Variants in GRIK1 observed in about 807,000 individuals in gnomAD.
GRIK1 encodes the protein glutamate receptor ionotropic, kainate 1.
A neutral mutation model predicts 105.7 loss-of-function variants in GRIK1; 69 were observed. The observed-to-expected ratio is 0.65, with a 90% CI of 0.54 to 0.80. GRIK1 has a LOEUF of 0.80. Among genes scored for constraint, GRIK1 ranks in the 30% least tolerant of loss-of-function variants. The pLI, the probability that GRIK1 is intolerant of heterozygous loss-of-function variation, is 0.00. For missense variants in GRIK1, 1,109 were observed against 1,167.3 expected, an observed-to-expected ratio of 0.95 and a Z score of 0.73; for synonymous variants, 438 against 431.3, an observed-to-expected ratio of 1.02 and a Z score of -0.19.
At chr21:29,687,155 C>G (rs2063500447) in intron 3 of GRIK1, among the ~76,000 whole-genome samples, 1 of 152,190 alleles carries the variant, frequency 6.6e-6, no homozygotes, top group Non-Finnish European at 1.5e-5. Context: ...GACGTGCACA[C>G]TGCTCCCATT....
chr21:29,560,999 G>A (rs1021295267), intron 15 of GRIK1, among the ~76,000 whole-genome samples: 1 of 152,148 alleles, frequency 6.6e-6, no homozygotes, highest in African/African-American at 2.4e-5. Flanking sequence ...GTCTCCTATA[G>A]ACGTACAAGA....
chr21:29,844,868 T>G (rs887436967), intron 1 of GRIK1, among the ~76,000 whole-genome samples: 2 of 152,228 alleles, frequency 1.3e-5, no homozygotes, highest in Non-Finnish European at 2.9e-5. Flanking sequence ...TCTTATCATG[T>G]AATTCTTCCA....
chr21:29,572,317 A>C (rs2090769667), intron 14 of GRIK1, among the ~76,000 whole-genome samples: 1 of 152,158 alleles, frequency 6.6e-6, no homozygotes, highest in African/African-American at 2.4e-5. Context: ...TCTTCTCGGT[A>C]AACTGGGTTG....
At chr21:29,824,280 T>A (rs1343416060) in intron 1 of GRIK1, among the ~76,000 whole-genome samples, 2 of 152,056 alleles carry the variant, frequency 1.3e-5, no homozygotes, top group African/African-American at 2.4e-5. Flanking sequence ...TAAGACATTT[T>A]CTGTTTACCA....
At chr21:29,807,987 G>C (rs1333742056) in intron 1 of GRIK1, among the ~76,000 whole-genome samples, 2 of 152,068 alleles carry the variant, frequency 1.3e-5, no homozygotes, top group African/African-American at 2.4e-5. Flanking sequence ...TTTACAAAGA[G>C]GACATGTTAA....
intron 1 of GRIK1, among the ~76,000 whole-genome samples, chr21:29,803,436 T>C (rs1844950331): frequency 6.6e-6 from 1 of 152,176 alleles, no homozygotes; most frequent in Admixed American, 6.5e-5. Context: ...TCCTGCCTCT[T>C]ATCCTGGAAC....
At chr21:29,834,782 T>C (rs1445267747) in intron 1 of GRIK1, among the ~76,000 whole-genome samples, 1 of 149,568 alleles carries the variant, frequency 6.7e-6, no homozygotes, top group East Asian at 1.9e-4. Flanking sequence ...TTAATATTCA[T>C]CCAATATTAA....
chr21:29,780,492 C>A (rs543676827), intron 1 of GRIK1, among the ~76,000 whole-genome samples: 1 of 152,104 alleles, frequency 6.6e-6, no homozygotes, highest in Non-Finnish European at 1.5e-5. Context: ...ACAAGTACCC[C>A]AGAGGTTGCT....
At chr21:29,598,699 T>C in intron 8 of GRIK1, 131 bp downstream of exon 8, 2 of 530,650 alleles carry the variant, frequency 3.8e-6, no homozygotes, top group Non-Finnish European at 6.6e-6. Context: ...GAAAGAGAGA[T>C]AAAAAACTGG....
chr21:29,708,297 T>C (rs2063965013), intron 1 of GRIK1, among the ~76,000 whole-genome samples: 1 of 152,258 alleles, frequency 6.6e-6, no homozygotes, highest in South Asian at 2.1e-4. Context: ...GTTCCTCCTG[T>C]CTTTTGCCTT....
intron 4 of GRIK1, among the ~76,000 whole-genome samples, chr21:29,664,000 GT>G (rs1235877021): frequency 6.6e-6 from 1 of 152,174 alleles, no homozygotes. Context: ...AATCTCCACT[GT>G]TTGCTAACTA....
At chr21:29,785,852 C>T (rs1424143400) in intron 1 of GRIK1, among the ~76,000 whole-genome samples, 1 of 152,210 alleles carries the variant, frequency 6.6e-6, no homozygotes, top group Non-Finnish European at 1.5e-5. Context: ...GATGCTGCCA[C>T]AGTGAAAGAA....
chr21:29,885,554 T>C (rs892308996), intron 1 of GRIK1, among the ~76,000 whole-genome samples: 1 of 152,098 alleles, frequency 6.6e-6, no homozygotes, highest in South Asian at 2.1e-4. Context: ...GATATTGTCT[T>C]AGAAAACTTG....
intron 1 of GRIK1, among the ~76,000 whole-genome samples, chr21:29,816,969 G>A (rs1008045886): frequency 6.6e-6 from 1 of 152,116 alleles, no homozygotes; most frequent in African/African-American, 2.4e-5. Context: ...AATAAAGTTT[G>A]ATGTGATAGA....
At chr21:29,782,288 G>T (rs420108) in intron 1 of GRIK1, among the ~76,000 whole-genome samples, 64 of 150,478 alleles carry the variant, frequency 4.3e-4, no homozygotes, top group Middle Eastern at 7.5e-3. Flanking sequence ...GGGTTTCACC[G>T]TGTTAGCCAG....
At chr21:29,737,940 C>A (rs563396491) in intron 1 of GRIK1, among the ~76,000 whole-genome samples, 1 of 152,182 alleles carries the variant, frequency 6.6e-6, no homozygotes, top group African/African-American at 2.4e-5. Context: ...TTTATTTATA[C>A]GCTATTGATT....
At chr21:29,815,561 A>G (rs2145906816) in intron 1 of GRIK1, among the ~76,000 whole-genome samples, 1 of 152,300 alleles carries the variant, frequency 6.6e-6, no homozygotes, top group Middle Eastern at 3.4e-3. Context: ...TTCTAGAATA[A>G]GATTTCCCAC....
At chr21:29,776,866 T>C in intron 1 of GRIK1, among the ~76,000 whole-genome samples, 1 of 152,178 alleles carries the variant, frequency 6.6e-6, no homozygotes, top group East Asian at 1.9e-4. Context: ...GACTACTACA[T>C]CTGAATTATT....
intron 1 of GRIK1, among the ~76,000 whole-genome samples, chr21:29,903,604 A>G (rs2070494283): frequency 5.3e-5 from 8 of 152,214 alleles, no homozygotes. Context: ...ACCAATTAGA[A>G]TGGTGATCAT....
Sources: allele counts gnomAD v4.1 joint callset (sites outside exome capture counted in the v4.1 genomes callset), GRCh38; gene constraint gnomAD v4.1.1; transcripts MANE v1.5; gene names NCBI Gene and HGNC (gene_info 2026-07-23, HGNC 2026-07-21).